The following NKX2-6 variants were observed in gnomAD, a reference collection of about 807,000 sequenced individuals.
NKX2-6 encodes NK2 homeobox 6.
Under a neutral mutation model 8.6 loss-of-function variants are expected in NKX2-6, and 8 were observed. The observed-to-expected ratio is 0.93, with a 90% CI of 0.54 to 1.67. The LOEUF is 1.67. NKX2-6 is among the 40% of genes most tolerant of loss of function. The pLI, the probability that NKX2-6 is intolerant of heterozygous loss-of-function variation, is 0.00. For missense variants in NKX2-6, 475 were observed against 423.1 expected (o/e 1.12, Z -1.08); for synonymous variants, 210 against 199.3 (o/e 1.05, Z -0.45).
At position 23,702,645 on chromosome 8, in the gene NKX2-6, C is replaced by T. The variant is rs1206947312; in HGVS notation, c.712G>A (p.Val238Met). The T allele has an allele frequency of 1.3e-6, 2 of 1,550,290 alleles. No homozygotes were observed. The highest frequency in any genetic ancestry group is 1.7e-6 in the Non-Finnish European group (2 of 1,146,494). ...CCTCCGTAGCAAGAGTAGGGCGACA[C>T]TGCTGCACTGTAGGGGCTGGGGAAG... ...PAFPSPYSAA[V>M]SPYSCYGGYS... The change falls in exon 2 of 2, where the codon GTG becomes ATG. Residue 238 changes from valine (V) to methionine (M), a missense_variant. Transcript: ENST00000325017.
chr8:23,703,141 T>A, intron 1 of NKX2-6, 59 bp from the exon 2 acceptor site: 4 of 1,489,610 alleles, frequency 2.7e-6, no homozygotes, highest in Non-Finnish European at 3.6e-6. Flanking sequence ...GAGCGGTTCC[T>A]ACTTAGTTTT....
chr8:23,706,501 C>A lies in NKX2-6; in HGVS notation c.98G>T (p.Arg33Leu), dbSNP rs1009399284. 1 of 1,538,834 alleles carries A rather than the reference C, an allele frequency of 6.5e-7. No individual in the cohort carries two copies. The highest frequency in any genetic ancestry group is 8.7e-7 in the Non-Finnish European group (1 of 1,146,932). Residue 33 changes from arginine to leucine, a missense_variant, in exon 1 of 2, where the codon CGG (arginine) becomes CTG (leucine). By Grantham distance (102) the Arg-to-Leu change is moderately radical (BLOSUM62 -2). Transcript: ENST00000325017. Reference protein sequence around the residue: ...RSCPAASPHPRVRKSPENFQY... With the variant: ...RSCPAASPHPLVRKSPENFQY... ...AAAGTTTTCCGGGCTCTTCCGCACC[C>A]GCGGATGTGGCGAAGCCGCGGGGCA...
In NKX2-6 at chr8:23,702,807, G is replaced by A. The variant is rs1347803269; in HGVS notation, c.550C>T (p.Arg184Cys). ...TGGCGCTGTCTCTTGCATTTGTAGC[G>A]TCGGTTCTGGAACCAGATCTTGACC... Reference protein sequence around the residue: ...TQVKIWFQNRRYKCKRQRQDK... With the variant: ...TQVKIWFQNRCYKCKRQRQDK... Residue 184 changes from arginine to cysteine, a missense_variant, in exon 2 of 2, where the codon CGC (arginine) becomes TGC (cysteine). Coordinates refer to ENST00000325017, the MANE Select transcript of NKX2-6 (RefSeq NM_001136271.3). 1.3e-6 allele frequency: 2 copies of A among 1,570,874 alleles called. No homozygotes were observed. Among genetic ancestry groups the A allele is most frequent in the African/African-American group, 1.4e-5 (1 of 73,924 alleles).
Position 23,702,660 on chromosome 8 carries a change from G to T in NKX2-6, c.697C>A (p.Pro233Thr). ...TAGGGCGACACTGCTGCACTGTAGGGGCTGGGGAAGGCAGGTGCGCCGGGC... is the reference window on the plus strand; with the variant it reads ...TAGGGCGACACTGCTGCACTGTAGGTGCTGGGGAAGGCAGGTGCGCCGGGC... ...PGPGAPAFPS[P>T]YSAAVSPYSC... is the part of the protein sequence containing the mutation. Residue 233 changes from proline to threonine, a missense_variant, in exon 2 of 2, where the codon CCC (proline) becomes ACC (threonine). Pro to Thr is a conservative substitution (Grantham distance 38). Coordinates refer to ENST00000325017, the MANE Select transcript of NKX2-6 (RefSeq NM_001136271.3). 6.4e-7 allele frequency: 1 copy of T among 1,550,676 alleles called. No individual in the cohort carries two copies.
At chr8:23,703,841 AAGAAAG>A (rs1425374066) in intron 1 of NKX2-6, among the ~76,000 whole-genome samples, 7 of 152,076 alleles carry the variant, frequency 4.6e-5, no homozygotes, top group Non-Finnish European at 5.9e-5. Flanking sequence ...AAAGAAGGAG[AAGAAAG>A]AGGAAGAGGA....
At position 23,706,509 on chromosome 8, in the gene NKX2-6, T is replaced by C; in HGVS notation, c.90A>G (p.Pro30=). The change falls in exon 1 of 2, where the codon CCA becomes CCG. Residue 30 remains proline (P), a synonymous_variant. Coordinates refer to ENST00000325017, the MANE Select transcript of NKX2-6 (RefSeq NM_001136271.3). The part of the protein sequence containing the change: ...ERERSCPAAS[P]HPRVRKSPEN... ...CCGGGCTCTTCCGCACCCGCGGATG[T>C]GGCGAAGCCGCGGGGCAGCTCCGCT... 6.5e-7 allele frequency: 1 copy of C among 1,538,040 alleles called. No homozygotes were observed. Among genetic ancestry groups the C allele is most frequent in the Non-Finnish European group, 8.7e-7 (1 of 1,146,906 alleles).
chr8:23,703,084 TA>T lies in NKX2-6; in HGVS notation c.275-3del, dbSNP rs1479391174. On this transcript the variant is annotated splice_region_variant and splice_polypyrimidine_tract_variant and intron_variant, in intron 1 of 1. Coordinates refer to ENST00000325017, the MANE Select transcript of NKX2-6 (RefSeq NM_001136271.3). ...GCGAGGCCGCGTTCAGGCCGGGCTC[TA>T]AAAGCACAGGAAGGGACACATCAGC... 5.2e-6 allele frequency: 8 copies of T among 1,539,306 alleles called. No individual in the cohort carries two copies. Among genetic ancestry groups the T allele is most frequent in the Non-Finnish European group, 6.1e-6 (7 of 1,146,078 alleles).
intron 1 of NKX2-6, among the ~76,000 whole-genome samples, chr8:23,704,280 C>T (rs1398759913): frequency 1.3e-5 from 2 of 152,134 alleles, no homozygotes; most frequent in African/African-American, 2.4e-5. Flanking sequence ...AAAAAGTAGC[C>T]TCTCCCTCCT....
intron 1 of NKX2-6, among the ~76,000 whole-genome samples, chr8:23,704,227 T>C (rs192971736): frequency 3.3e-5 from 5 of 152,386 alleles, no homozygotes; most frequent in Admixed American, 3.3e-4. Flanking sequence ...ACTGAGGTTC[T>C]CTTTGAGAGA....
chr8:23,706,302 G>A lies in NKX2-6; in HGVS notation c.274+23C>T, dbSNP rs2228697. The A allele has an allele frequency of 0.14, 220,065 of 1,521,056 alleles. 17,097 individuals carry two copies. The highest frequency in any genetic ancestry group is 0.22 in the East Asian group (9,009 of 40,352). The allele number at this position is 1,521,056 out of a possible 1,614,324, so 94.2% of individuals were successfully genotyped here. On this transcript the variant is annotated intron_variant, in intron 1 of 1. Coordinates refer to ENST00000325017, the MANE Select transcript of NKX2-6 (RefSeq NM_001136271.3). ...CGCCCCCACATTCCCCCCGTAGGAG[G>A]CAAGACCTGAGCGCTTACTCACGTG...
chr8:23,705,852 G>A (rs1016300563), intron 1 of NKX2-6, among the ~76,000 whole-genome samples: 7 of 152,196 alleles, frequency 4.6e-5, no homozygotes, highest in East Asian at 3.9e-4. Context: ...AGCAAGAAAG[G>A]GCCCAGTTAG....
At chr8:23,703,725 C>CA (rs34532511) in intron 1 of NKX2-6, among the ~76,000 whole-genome samples, 2,757 of 117,042 alleles carry the variant, frequency 0.024, 33 homozygotes, top group African/African-American at 0.031. Context: ...AACAAACAAA[C>CA]AAAAAAAAAA....
At position 23,702,740 on chromosome 8, in the gene NKX2-6, C is replaced by G. The variant is rs1270446167; in HGVS notation, c.617G>C (p.Arg206Pro). ...LELAGHPLTPRRVAVPVLVRD... is the reference protein window; with the variant it reads ...LELAGHPLTPPRVAVPVLVRD... ...CACCAGGACGGGCACAGCTACTCGG[C>G]GCGGCGTTAGAGGGTGGCCAGCCAG... The change falls in exon 2 of 2, where the codon CGC (arginine) becomes CCC (proline). Residue 206 changes from arginine to proline, a missense_variant. By Grantham distance (103) the Arg-to-Pro change is moderately radical. Transcript: ENST00000325017. 1.3e-6 allele frequency: 2 copies of G among 1,551,836 alleles called. No homozygotes were observed. Among genetic ancestry groups the G allele is most frequent in the Non-Finnish European group, 1.7e-6 (2 of 1,147,106 alleles).
At position 23,702,984 on chromosome 8, in the gene NKX2-6, C is replaced by T; in HGVS notation, c.373G>A (p.Glu125Lys). 1 of 1,542,888 alleles carries T rather than the reference C, an allele frequency of 6.5e-7. No individual in the cohort carries two copies. The highest frequency in any genetic ancestry group is 1.2e-5 in the South Asian group (1 of 83,770). ...SGDSVRGGRS[E>K]QPKARQRRKP... ...CGTCGTTGCCGCGCCTTGGGCTGCT[C>T]CGAGCGGCCACCCCGCACGCTGTCG... The change falls in exon 2 of 2, where the codon GAG (glutamate) becomes AAG (lysine). Residue 125 changes from glutamate (E) to lysine (K), a missense_variant. Coordinates refer to ENST00000325017, the MANE Select transcript of NKX2-6 (RefSeq NM_001136271.3).
chr8:23,704,797 G>C (rs917025286), intron 1 of NKX2-6, among the ~76,000 whole-genome samples: 1 of 152,214 alleles, frequency 6.6e-6, no homozygotes, highest in African/African-American at 2.4e-5. Flanking sequence ...GAGCAAGGAG[G>C]ACCCCATTTC....
Position 23,701,909 on chromosome 8 carries a change from A to C in NKX2-6, c.*542T>G, listed in dbSNP as rs548139949. On this transcript the variant is annotated 3_prime_UTR_variant, in exon 2 of 2. Coordinates refer to ENST00000325017, the MANE Select transcript of NKX2-6 (RefSeq NM_001136271.3). ...GGGGCGCGGCCTTATGGGGATGTTT[A>C]AGTCCCAAAGGAAGAGGCTCAAAGC... Among the ~76,000 whole-genome samples, 98 of 152,212 alleles carry C rather than the reference A, an allele frequency of 6.4e-4. No homozygotes were observed. The highest frequency in any genetic ancestry group is 1.4e-3 in the Non-Finnish European group (93 of 68,004).
rs999879048 is a variant in NKX2-6, at chr8:23,706,541, C to G, written c.58G>C (p.Glu20Gln). 10 of 1,536,718 alleles carry G rather than the reference C, an allele frequency of 6.5e-6. No individual in the cohort carries two copies. The highest frequency in any genetic ancestry group is 8.7e-6 in the Non-Finnish European group (10 of 1,146,930). Residue 20 changes from glutamate (E) to glutamine (Q), a missense_variant, in exon 1 of 2, where the codon GAG (glutamate) becomes CAG (glutamine). Transcript: ENST00000325017. ...PFSVKDILRLERERSCPAASP... is the reference protein window; with the variant it reads ...PFSVKDILRLQRERSCPAASP... ...GCCGCGGGGCAGCTCCGCTCGCGCT[C>G]CAGTCGCAGGATGTCCTTGACCGAG...
At chr8:23,704,058 C>G (rs1338617370) in intron 1 of NKX2-6, among the ~76,000 whole-genome samples, 2 of 152,164 alleles carry the variant, frequency 1.3e-5, no homozygotes, top group Non-Finnish European at 2.9e-5. Context: ...TGTCTCCTAC[C>G]TTCACCCAAC....
chr8:23,703,341 G>A (rs1345826111), intron 1 of NKX2-6, among the ~76,000 whole-genome samples: 1 of 152,126 alleles, frequency 6.6e-6, no homozygotes, highest in East Asian at 1.9e-4. Context: ...TCGTGTGTGC[G>A]TCCTTTTCCT....
Sources: gnomAD v4.1 joint callset for allele counts (sites outside exome capture counted in the v4.1 genomes callset) on GRCh38, gnomAD v4.1.1 for gene constraint, MANE v1.5 for transcripts, NCBI Gene and HGNC (gene_info 2026-07-23, HGNC 2026-07-21) for gene names.